PARP8: variants seen among roughly 807,000 people sequenced by gnomAD.
The protein encoded by PARP8 is protein mono-ADP-ribosyltransferase PARP8.
A neutral mutation model predicts 124.1 loss-of-function variants in PARP8; 51 were observed. That is an observed-to-expected ratio of 0.41 (90% confidence interval 0.33 to 0.52). The LOEUF (loss-of-function observed/expected upper bound fraction) is 0.52, where lower values mean the gene tolerates loss of function less well. PARP8 is among the 20% of genes least tolerant of loss of function. PARP8 has a pLI of 0.21. For missense variants in PARP8, 860 were observed against 1,018.9 expected, an observed-to-expected ratio of 0.84 and a Z score of 2.12; for synonymous variants, 391 against 361.5, an observed-to-expected ratio of 1.08 and a Z score of -0.93.
At chr5:50,667,976 C>T (rs548108830) in intron 1 of PARP8, 95 bp from the exon 2 acceptor site, 204 of 1,603,800 alleles carry the variant, frequency 1.3e-4, no homozygotes, top group Non-Finnish European at 1.7e-4. Flanking sequence ...CCGGCCAGGC[C>T]TCCCCTGACA....
intron 12 of PARP8, among the ~76,000 whole-genome samples, chr5:50,796,320 A>T (rs1742550531): frequency 6.6e-6 from 1 of 152,200 alleles, no homozygotes; most frequent in Admixed American, 6.5e-5. Flanking sequence ...TTATTTCTAA[A>T]ATTAAATTAT....
chr5:50,733,091 C>T (rs912539097), intron 2 of PARP8, among the ~76,000 whole-genome samples: 1 of 151,732 alleles, frequency 6.6e-6, no homozygotes, highest in Non-Finnish European at 1.5e-5. Context: ...TGCCTGAGGT[C>T]AGGAGTTTGA....
At chr5:50,689,105 T>G (rs982209173) in intron 2 of PARP8, among the ~76,000 whole-genome samples, 10 of 151,468 alleles carry the variant, frequency 6.6e-5, no homozygotes, top group African/African-American at 2.2e-4. Context: ...AGCTGCTGTT[T>G]TGACCCTCTG....
intron 7 of PARP8, among the ~76,000 whole-genome samples, chr5:50,763,881 T>A (rs914051396): frequency 6.6e-6 from 1 of 152,234 alleles, no homozygotes; most frequent in African/African-American, 2.4e-5. Flanking sequence ...TTGCCTACAC[T>A]GTAGTCTTGA....
At chr5:50,709,780 A>G (rs1754530948) in intron 2 of PARP8, among the ~76,000 whole-genome samples, 1 of 151,524 alleles carries the variant, frequency 6.6e-6, no homozygotes, top group Admixed American at 6.6e-5. Context: ...AAAAAGACCA[A>G]GGAACCAAAA....
chr5:50,731,064 G>C (rs1438776600), intron 2 of PARP8, among the ~76,000 whole-genome samples: 1 of 152,168 alleles, frequency 6.6e-6, no homozygotes, highest in South Asian at 2.1e-4. Context: ...AATCACAAGA[G>C]GCTGAGTGAC....
chr5:50,698,608 A>G (rs1753274133), intron 2 of PARP8, among the ~76,000 whole-genome samples: 1 of 152,170 alleles, frequency 6.6e-6, no homozygotes, highest in African/African-American at 2.4e-5. Context: ...AGTGGAGAGC[A>G]GGAGAAAAGC....
intron 15 of PARP8, among the ~76,000 whole-genome samples, chr5:50,820,929 G>A (rs1310151402): frequency 6.6e-6 from 1 of 152,156 alleles, no homozygotes; most frequent in Non-Finnish European, 1.5e-5. Context: ...TGTCTGTCTT[G>A]TGCCTTGTCT....
chr5:50,735,509 A>G (rs1757381617), intron 2 of PARP8, among the ~76,000 whole-genome samples: 1 of 152,178 alleles, frequency 6.6e-6, no homozygotes, highest in Non-Finnish European at 1.5e-5. Context: ...AAAGACAAGT[A>G]TTATTCATCT....
In PARP8 at chr5:50,778,597, A is replaced by C; in HGVS notation, c.617A>C (p.Glu206Ala). Residue 206 changes from glutamate to alanine, a missense_variant, in exon 9 of 26, where the codon GAA (glutamate) becomes GCA (alanine). By Grantham distance (107) the Glu-to-Ala change is moderately radical. Around this residue, in one of 2 missense-constraint regions of PARP8, gnomAD observed 517 missense variants for 544.2 expected, o/e 0.95. Transcript: ENST00000281631. ...GTGGCTTGGGAAGTAATTCGAACAG[A>C]ACCTATAATTGTTCGACTACACTGT... ...IAVAWEVIRT[E>A]PIIVRLHCSL... 1 of 1,609,850 alleles carries C rather than the reference A, an allele frequency of 6.2e-7. No homozygotes were observed. The highest frequency in any genetic ancestry group is 8.5e-7 in the Non-Finnish European group (1 of 1,178,684).
intron 7 of PARP8, 105 bp from the exon 8 acceptor site, chr5:50,777,964 A>G (rs1372377791): frequency 1.2e-6 from 1 of 810,274 alleles, no homozygotes; most frequent in Non-Finnish European, 2.0e-6. Flanking sequence ...TGTCAAAATC[A>G]AGGATGAGAA....
rs1742405993 is a variant in PARP8, at chr5:50,795,249, A to G, written c.1260A>G (p.Leu420=). Reference sequence around the variant, plus strand: ...CTAGTAATCTCAGAATGGAAGAATTATATGGACTGAAAAATCACAAATTGC... The same window carrying G: ...CTAGTAATCTCAGAATGGAAGAATTGTATGGACTGAAAAATCACAAATTGC... The part of the protein sequence containing the change: ...SYSSNLRMEE[L]YGLKNHKLLS... The change falls in exon 12 of 26, where the codon TTA becomes TTG. Residue 420 remains leucine (L), a synonymous_variant. Transcript: ENST00000281631. The G allele has an allele frequency of 6.2e-7, 1 of 1,614,200 alleles. No individual in the cohort carries two copies. The highest frequency in any genetic ancestry group is 8.5e-7 in the Non-Finnish European group (1 of 1,180,020).
At chr5:50,729,602 T>C (rs528115041) in intron 2 of PARP8, among the ~76,000 whole-genome samples, 1 of 152,246 alleles carries the variant, frequency 6.6e-6, no homozygotes, top group East Asian at 1.9e-4. Flanking sequence ...GGGAATAAAT[T>C]TTGTTTTTCT....
intron 7 of PARP8, among the ~76,000 whole-genome samples, chr5:50,766,507 G>A (rs1285298669): frequency 6.6e-6 from 1 of 152,150 alleles, no homozygotes; most frequent in Non-Finnish European, 1.5e-5. Context: ...GATTCTGATA[G>A]TTTCTTTGTG....
chr5:50,805,477 A>G (rs1743720908), intron 14 of PARP8, among the ~76,000 whole-genome samples: 1 of 152,112 alleles, frequency 6.6e-6, no homozygotes, highest in Non-Finnish European at 1.5e-5. Flanking sequence ...CCCGGAAAAT[A>G]TAGGTAGAAG....
intron 9 of PARP8, among the ~76,000 whole-genome samples, chr5:50,784,266 A>G (rs1221543952): frequency 2.6e-5 from 4 of 152,170 alleles, no homozygotes; most frequent in African/African-American, 9.7e-5. Flanking sequence ...CTGTGAGAGA[A>G]CAGAAATGAT....
intron 9 of PARP8, among the ~76,000 whole-genome samples, chr5:50,785,636 T>C (rs1393933134): frequency 6.6e-6 from 1 of 152,186 alleles, no homozygotes; most frequent in East Asian, 1.9e-4. Context: ...ATAAGTGGGA[T>C]TGGAGTGATG....
intron 2 of PARP8, among the ~76,000 whole-genome samples, chr5:50,711,735 G>A (rs1232572465): frequency 6.6e-6 from 1 of 152,034 alleles, no homozygotes; most frequent in Non-Finnish European, 1.5e-5. Context: ...GCACTTATAT[G>A]AGAAAATCAA....
chr5:50,756,399 C>T (rs1316119924), intron 3 of PARP8, among the ~76,000 whole-genome samples: 13 of 152,022 alleles, frequency 8.6e-5, no homozygotes, highest in South Asian at 4.1e-4. Flanking sequence ...ACCCTTTTTA[C>T]GCTCCACATT....
Sources: allele counts gnomAD v4.1 joint callset (sites outside exome capture counted in the v4.1 genomes callset), GRCh38; gene constraint gnomAD v4.1.1; regional missense constraint gnomAD v4.1.1; transcripts MANE v1.5; gene names NCBI Gene and HGNC (gene_info 2026-07-23, HGNC 2026-07-21).